The following MPND variants were observed in gnomAD, a reference collection of about 807,000 sequenced individuals.
MPND encodes the protein MPN domain-containing protein.
A neutral mutation model predicts 59.2 loss-of-function variants in MPND; 56 were observed. The ratio of observed to expected loss-of-function variants is 0.95; its 90% CI spans 0.76 to 1.18. The LOEUF (loss-of-function observed/expected upper bound fraction) is 1.18, where lower values mean the gene tolerates loss of function less well. MPND is among the 50% of genes most tolerant of loss of function. The pLI is 0.00. For missense variants in MPND, 671 were observed against 676.0 expected, an observed-to-expected ratio of 0.99 and a Z score of 0.08; for synonymous variants, 323 against 291.9, an observed-to-expected ratio of 1.11 and a Z score of -1.09.
At chr19:4,357,947 C>G in intron 10 of MPND, 136 bp from the exon 11 acceptor site, 1 of 694,288 alleles carries the variant, frequency 1.4e-6, no homozygotes, top group Admixed American at 2.3e-5. Context: ...GGTCCCACCA[C>G]CAGGTGCCGA....
intron 3 of MPND, among the ~76,000 whole-genome samples, chr19:4,346,778 C>G (rs1450017921): frequency 6.7e-6 from 1 of 149,490 alleles, no homozygotes; most frequent in Non-Finnish European, 1.5e-5. Flanking sequence ...TGCCTGTAAT[C>G]CCAGCATTTT....
Position 4,358,066 on chromosome 19 carries a change from GTC to G in MPND, c.1237-15_1237-14del. ...CGGGCTGGTGAGGCTTCTCTCACTG[GTC>G]TGTGTCCCTGCCAGCAAAGGCCCAG... On this transcript the variant is annotated splice_polypyrimidine_tract_variant and intron_variant, in intron 10 of 12. Transcript: ENST00000599840. 1 of 1,549,548 alleles carries G rather than the reference GTC, an allele frequency of 6.5e-7. No individual in the cohort carries two copies. Among genetic ancestry groups the G allele is most frequent in the Non-Finnish European group, 8.7e-7 (1 of 1,145,512 alleles).
intron 12 of MPND, among the ~76,000 whole-genome samples, chr19:4,359,482 C>T (rs1056213984): frequency 2.6e-5 from 4 of 152,080 alleles, no homozygotes; most frequent in Non-Finnish European, 4.4e-5. Context: ...GTCCTGGCAG[C>T]GGGTTTTGGG....
chr19:4,359,277 ACCT>A (rs755804780), intron 12 of MPND, 22 bp downstream of exon 12: 3 of 1,597,396 alleles, frequency 1.9e-6, no homozygotes, highest in African/African-American at 1.3e-5. Context: ...GTCCCCGCAG[ACCT>A]CCTAACGGGG....
intron 6 of MPND, 88 bp from the exon 7 acceptor site, chr19:4,354,861 C>CAT (rs1972398635): frequency 1.5e-6 from 2 of 1,357,844 alleles, no homozygotes; most frequent in East Asian, 4.8e-5. Context: ...AAGACTGAGT[C>CAT]TCAAAGAGAA....
Position 4,352,913 on chromosome 19 carries a change from GGGA to G in MPND, c.559_561del (p.Glu187del), listed in dbSNP as rs1415876223. On this transcript the variant is annotated inframe_deletion, in exon 4 of 13. Coordinates refer to ENST00000599840, the MANE Select transcript of MPND (RefSeq NM_001300862.2). The stretch of plus-strand genomic sequence containing the variant: ...CCCCTGCAGAGCCCAGCCAGTGAAG[GGGA>G]GGAGGAGGAGTTGCTGATGGAAGAG... 1.9e-5 allele frequency: 26 copies of G among 1,392,586 alleles called. No individual in the cohort carries two copies. The highest frequency in any genetic ancestry group is 1.1e-4 in the Admixed American group (4 of 37,820). The allele number at this position is 1,392,586 out of a possible 1,614,324, so 86.3% of individuals were successfully genotyped here.
In MPND at chr19:4,360,060, T is replaced by TAAAG. The variant is rs956431438; in HGVS notation, c.*62_*65dup. On this transcript the variant is annotated 3_prime_UTR_variant, in exon 13 of 13. Transcript: ENST00000599840. The stretch of plus-strand genomic sequence containing the variant: ...TGAGGGTCCGGATGGGCTCAGGTAA[T>TAAAG]AAAGAAACGGAAGCAGCAGCCAGCC... 2 of 1,455,494 alleles carry TAAAG rather than the reference T, an allele frequency of 1.4e-6. No individual in the cohort carries two copies. The highest frequency in any genetic ancestry group is 1.4e-5 in the African/African-American group (1 of 70,812). The allele number at this position is 1,455,494 out of a possible 1,614,324, so 90.2% of individuals were successfully genotyped here.
rs1454252717 is a variant in MPND, at chr19:4,358,115, T to C, written c.1269T>C (p.Asp423=). The stretch of plus-strand genomic sequence containing the variant: ...CCAGTGACTATGGCATCCCCATGGA[T>C]GTGGAGATGGCCTACGTCCAGGACA... ...QRPSDYGIPM[D]VEMAYVQDSF... Residue 423 remains aspartate, a synonymous_variant, in exon 11 of 13, where the codon GAT becomes GAC. Coordinates refer to ENST00000599840, the MANE Select transcript of MPND (RefSeq NM_001300862.2). The C allele has an allele frequency of 6.4e-7, 1 of 1,551,478 alleles. No homozygotes were observed. The highest frequency in any genetic ancestry group is 1.4e-5 in the African/African-American group (1 of 73,176).
intron 3 of MPND, among the ~76,000 whole-genome samples, chr19:4,350,092 C>T (rs571871742): frequency 2.5e-4 from 36 of 146,734 alleles, no homozygotes; most frequent in African/African-American, 8.8e-4. Context: ...GTTGGGGGGG[C>T]TTCACTGAGA....
chr19:4,349,863 A>G (rs1222360011), intron 3 of MPND, among the ~76,000 whole-genome samples: 2 of 152,320 alleles, frequency 1.3e-5, no homozygotes, highest in East Asian at 3.9e-4. Flanking sequence ...TATGAATCAC[A>G]TGTAACAAAT....
rs556695113 is a variant in MPND, at chr19:4,357,980, G to A, written c.1237-103G>A. The A allele has an allele frequency of 4.8e-5, 43 of 897,964 alleles. No individual in the cohort carries two copies. In the South Asian group the frequency reaches 6.2e-4, roughly 13 times the overall value. 55.6% of individuals were successfully genotyped at this position (897,964 alleles called of 1,614,324 possible). On this transcript the variant is annotated intron_variant, in intron 10 of 12. Transcript: ENST00000599840. ...CGATCCCGGTGCAGAGCTGAGCCGG[G>A]GTGTGCACTCTCCCGTTCCCAGCCC...
chr19:4,353,405 C>T (rs910285246), intron 4 of MPND, among the ~76,000 whole-genome samples: 1 of 152,054 alleles, frequency 6.6e-6, no homozygotes. Flanking sequence ...ATAGCTGGGA[C>T]TATAGGCGCC....
At position 4,344,167 on chromosome 19, in the gene MPND, C is replaced by T. The variant is rs73537295; in HGVS notation, c.294+173C>T. On this transcript the variant is annotated intron_variant, in intron 2 of 12. Coordinates refer to ENST00000599840, the MANE Select transcript of MPND (RefSeq NM_001300862.2). ...GGCGAGGGGAAACTGAGGCCCGGGG[C>T]TCCGTTGACTGCAGGAAGAGCTCCA... Among the ~76,000 whole-genome samples the T allele has an allele frequency of 4.6e-3, 686 of 147,818 alleles. 2 individuals carry two copies. Among genetic ancestry groups the T allele is most frequent in the African/African-American group, 0.017 (660 of 39,782 alleles).
At position 4,354,317 on chromosome 19, in the gene MPND, C is replaced by T; in HGVS notation, c.750-7C>T. 1.3e-6 allele frequency: 2 copies of T among 1,555,006 alleles called. No individual in the cohort carries two copies. Among genetic ancestry groups the T allele is most frequent in the Non-Finnish European group, 8.7e-7 (1 of 1,148,406 alleles). On this transcript the variant is annotated splice_polypyrimidine_tract_variant and splice_region_variant and intron_variant, in intron 5 of 12. Transcript: ENST00000599840. The stretch of plus-strand genomic sequence containing the variant: ...CTGAGACTGTGCGACCCTCCTGGCC[C>T]CTACAGGAACCCCCACACCCTGGTG...
intron 8 of MPND, 53 bp downstream of exon 8, chr19:4,355,226 G>C: frequency 1.3e-6 from 2 of 1,584,498 alleles, no homozygotes; most frequent in South Asian, 2.3e-5. Context: ...AAGGGACATA[G>C]CTGTCCTGGC....
intron 2 of MPND, among the ~76,000 whole-genome samples, chr19:4,344,209 CTG>C (rs1972135914): frequency 1.3e-5 from 2 of 149,122 alleles, no homozygotes; most frequent in African/African-American, 5.0e-5. Flanking sequence ...GGAGGGGAAA[CTG>C]AGGCTCGGAG....
intron 3 of MPND, among the ~76,000 whole-genome samples, chr19:4,351,568 G>C (rs1256272750): frequency 2.0e-5 from 3 of 151,968 alleles, no homozygotes; most frequent in Non-Finnish European, 4.4e-5. Context: ...TTACAGATAA[G>C]AATAGACTTG....
rs773027270 is a variant in MPND, at chr19:4,359,907, T to G, written c.1420-9T>G. 1.9e-6 allele frequency: 3 copies of G among 1,558,320 alleles called. No homozygotes were observed. Among genetic ancestry groups the G allele is most frequent in the East Asian group, 2.4e-5 (1 of 41,322 alleles). On this transcript the variant is annotated splice_polypyrimidine_tract_variant and intron_variant, in intron 12 of 12. Coordinates refer to ENST00000599840, the MANE Select transcript of MPND (RefSeq NM_001300862.2). The stretch of plus-strand genomic sequence containing the variant: ...GGGCACAGCCTGAGGCCCAGCCCCC[T>G]CGTTTCAGATCTCCTTGGCCAGCAG...
chr19:4,345,964 G>GC lies in MPND; in HGVS notation c.516dup (p.Thr173HisfsTer4). ...CCGGCTGCACCAGCTGCACACGCCTGCCACGGCTGCTGATGAGGTACGTGC... is the reference window on the plus strand; with the variant it reads ...CCGGCTGCACCAGCTGCACACGCCTGCCCACGGCTGCTGATGAGGTACGTGC... On this transcript the variant is annotated frameshift_variant, in exon 3 of 13. Transcript: ENST00000599840. LOFTEE classifies it high-confidence loss of function. 1 of 1,612,366 alleles carries GC rather than the reference G, an allele frequency of 6.2e-7. No individual in the cohort carries two copies. Among genetic ancestry groups the GC allele is most frequent in the Non-Finnish European group, 8.5e-7 (1 of 1,179,572 alleles).
Sources: gnomAD v4.1 joint callset for allele counts (sites outside exome capture counted in the v4.1 genomes callset) on GRCh38, gnomAD v4.1.1 for gene constraint, MANE v1.5 for transcripts, NCBI Gene and HGNC (gene_info 2026-07-23, HGNC 2026-07-21) for gene names.